Variants in UGGT2 observed in about 807,000 individuals in gnomAD.
The protein encoded by UGGT2 is UDP-glucose glycoprotein glucosyltransferase 2.
UGGT2 carries 180 observed loss-of-function variants against 192.1 expected under a neutral mutation model. The ratio of observed to expected loss-of-function variants is 0.94; its 90% CI spans 0.83 to 1.06. The LOEUF (loss-of-function observed/expected upper bound fraction) is 1.06. Ranked by LOEUF, UGGT2 falls within the 50% of genes least tolerant of loss-of-function variation. UGGT2 has a pLI of 0.00. For missense variants in UGGT2, 1,849 were observed against 1,795.7 expected, an observed-to-expected ratio of 1.03 and a Z score of -0.54; for synonymous variants, 580 against 591.0, an observed-to-expected ratio of 0.98 and a Z score of 0.27.
chr13:95,870,508 T>C (rs1307559442), intron 29 of UGGT2, among the ~76,000 whole-genome samples: 3 of 152,224 alleles, frequency 2.0e-5, no homozygotes, highest in Non-Finnish European at 4.4e-5. Context: ...CTTAGCTTTC[T>C]GGGTACCAAA....
intron 5 of UGGT2, among the ~76,000 whole-genome samples, chr13:96,011,229 AATG>A (rs1213479626): frequency 2.0e-5 from 3 of 152,136 alleles, no homozygotes; most frequent in African/African-American, 7.2e-5. Context: ...TAAACAAAAA[AATG>A]ATGAACTGGA....
chr13:95,882,803 T>G (rs1010851420), intron 27 of UGGT2, among the ~76,000 whole-genome samples: 1 of 152,202 alleles, frequency 6.6e-6, no homozygotes, highest in African/African-American at 2.4e-5. Flanking sequence ...GCAGATTCAA[T>G]TTAAAATCTT....
chr13:95,985,490 ATAGTGTT>A (rs1463621432), intron 9 of UGGT2, among the ~76,000 whole-genome samples: 1 of 152,178 alleles, frequency 6.6e-6, no homozygotes, highest in African/African-American at 2.4e-5. Flanking sequence ...AATGTACAAA[ATAGTGTT>A]TGGGACAATA....
chr13:95,956,340 G>C (rs1014843019), intron 12 of UGGT2, among the ~76,000 whole-genome samples: 4 of 152,140 alleles, frequency 2.6e-5, no homozygotes, highest in Admixed American at 1.3e-4. Context: ...TTAAAATTTT[G>C]TTGTACATCA....
Position 95,802,141 on chromosome 13 carries a change from CAG to C in UGGT2, c.4529-331_4529-330del, listed in dbSNP as rs1198596459. On this transcript the variant is annotated intron_variant, in intron 38 of 38. Transcript: ENST00000376747. ...GATAAGAGGTCTTGAAGAATACTAA[CAG>C]ATTATTCACTGTGAATACAGTATTC... Among the ~76,000 whole-genome samples the C allele has an allele frequency of 3.3e-5, 5 of 152,304 alleles. No homozygotes were observed. The East Asian group carries it at 7.7e-4, about 24-fold the overall frequency.
At chr13:95,956,438 A>C (rs747116042) in intron 12 of UGGT2, among the ~76,000 whole-genome samples, 2 of 152,262 alleles carry the variant, frequency 1.3e-5, no homozygotes, top group Non-Finnish European at 2.9e-5. Flanking sequence ...TAATATCCAG[A>C]ATATATAAAG....
chr13:96,023,993 T>A (rs1344327292), intron 2 of UGGT2, among the ~76,000 whole-genome samples: 1 of 152,196 alleles, frequency 6.6e-6, no homozygotes, highest in Non-Finnish European at 1.5e-5. Context: ...AATCTTGCCA[T>A]TAAAATCTAT....
At chr13:95,825,574 T>G (rs1344763235) in intron 38 of UGGT2, among the ~76,000 whole-genome samples, 1 of 152,162 alleles carries the variant, frequency 6.6e-6, no homozygotes, top group Non-Finnish European at 1.5e-5. Context: ...ATACCTCTCC[T>G]GCGGCAATGC....
chr13:95,927,449 T>G, intron 17 of UGGT2, 113 bp from the exon 18 acceptor site: 1 of 908,854 alleles, frequency 1.1e-6, no homozygotes, highest in Non-Finnish European at 1.6e-6. Flanking sequence ...CAATTTAGAA[T>G]TATTACAATA....
intron 20 of UGGT2, among the ~76,000 whole-genome samples, chr13:95,919,940 C>T (rs1292885805): frequency 6.6e-6 from 1 of 152,070 alleles, no homozygotes; most frequent in Non-Finnish European, 1.5e-5. Context: ...TATCATGCTA[C>T]CCAACTTCAA....
At chr13:95,920,809 C>T (rs1186191015) in intron 20 of UGGT2, among the ~76,000 whole-genome samples, 1 of 152,164 alleles carries the variant, frequency 6.6e-6, no homozygotes, top group Non-Finnish European at 1.5e-5. Flanking sequence ...ACAAAATTAC[C>T]ATTTGACCCA....
In UGGT2 at chr13:95,927,280, A is replaced by T. The variant is rs148549197; in HGVS notation, c.2034T>A (p.Val678=). 1.2e-6 allele frequency: 2 copies of T among 1,612,030 alleles called. No homozygotes were observed. Among genetic ancestry groups the T allele is most frequent in the South Asian group, 2.2e-5 (2 of 90,646 alleles). The change falls in exon 18 of 39, where the codon GTT becomes GTA. Residue 678 remains valine (V), a synonymous_variant. Transcript: ENST00000376747. The part of the protein sequence containing the change: ...AIDFLMDRNN[V]VPRINTLILR... The stretch of plus-strand genomic sequence containing the variant: ...AAATCAAAGTATTTATACGGGGTAC[A>T]ACATTATTCCTATCCATTAGAAAAT...
At chr13:96,021,092 A>C (rs189832840) in intron 4 of UGGT2, among the ~76,000 whole-genome samples, 11 of 152,344 alleles carry the variant, frequency 7.2e-5, no homozygotes, top group African/African-American at 2.6e-4. Flanking sequence ...ATAGTAAGCA[A>C]TAAAACACAC....
chr13:95,893,607 A>G (rs2047863439), intron 24 of UGGT2, among the ~76,000 whole-genome samples: 1 of 152,212 alleles, frequency 6.6e-6, no homozygotes, highest in African/African-American at 2.4e-5. Context: ...GTAGAAATTT[A>G]CATATAAATT....
At chr13:95,860,617 A>G (rs1057163319) in intron 32 of UGGT2, among the ~76,000 whole-genome samples, 171 bp downstream of exon 32, 1 of 151,366 alleles carries the variant, frequency 6.6e-6, no homozygotes. Flanking sequence ...GTATCTCCTT[A>G]GCAGGATATA....
At chr13:95,924,755 A>G (rs186881897) in intron 20 of UGGT2, among the ~76,000 whole-genome samples, 3 of 152,268 alleles carry the variant, frequency 2.0e-5, no homozygotes, top group Admixed American at 1.3e-4. Context: ...AAGTAACACC[A>G]AAAACAGGTC....
chr13:95,923,079 T>C (rs1420360456), intron 20 of UGGT2, among the ~76,000 whole-genome samples: 2 of 152,096 alleles, frequency 1.3e-5, no homozygotes, highest in Non-Finnish European at 2.9e-5. Flanking sequence ...ATTAATGGGG[T>C]CTCACTCTAT....
intron 20 of UGGT2, among the ~76,000 whole-genome samples, chr13:95,918,985 A>C (rs1030407500): frequency 6.6e-6 from 1 of 152,208 alleles, no homozygotes; most frequent in African/African-American, 2.4e-5. Context: ...AACTACTAGC[A>C]AACCAAATTC....
At chr13:95,900,308 G>A (rs538979123) in intron 22 of UGGT2, among the ~76,000 whole-genome samples, 40 of 152,054 alleles carry the variant, frequency 2.6e-4, no homozygotes, top group Non-Finnish European at 4.9e-4. Flanking sequence ...AGGGTGGTTG[G>A]AGAGTAAGAG....
Sources: gnomAD v4.1 joint callset for allele counts (sites outside exome capture counted in the v4.1 genomes callset) on GRCh38, gnomAD v4.1.1 for gene constraint, MANE v1.5 for transcripts, NCBI Gene and HGNC (gene_info 2026-07-23, HGNC 2026-07-21) for gene names.